ABHD3: variants seen among roughly 807,000 people sequenced by gnomAD.
ABHD3 encodes phospholipase ABHD3.
ABHD3 carries 46 observed loss-of-function variants against 48.8 expected under a neutral mutation model. That is an observed-to-expected ratio of 0.94 (90% CI 0.74 to 1.20). ABHD3 has a LOEUF of 1.20. ABHD3 is among the 50% of genes most tolerant of loss of function. The pLI is 0.00. For missense variants in ABHD3, 490 were observed against 497.8 expected (o/e 0.98, Z 0.15); for synonymous variants, 192 against 183.7 (o/e 1.04, Z -0.36).
chr18:21,658,153 C>T (rs565765849), intron 6 of ABHD3, among the ~76,000 whole-genome samples: 2 of 151,666 alleles, frequency 1.3e-5, no homozygotes, highest in East Asian at 1.9e-4. Flanking sequence ...GCCATGATCA[C>T]ACCACTGCAC....
rs1398701194 is a variant in ABHD3 at position 21,664,017 on chromosome 18, AT to A, written c.668+100del. Reference sequence around the variant, plus strand: ...ATATGATAAACATAATCAGACATTTATTTAAAAAGTGTCCATACAGCTAGCT... The same window carrying A: ...ATATGATAAACATAATCAGACATTTATTAAAAAGTGTCCATACAGCTAGCT... On this transcript the variant is annotated intron_variant, in intron 5 of 8. Coordinates refer to ENST00000289119, the MANE Select transcript of ABHD3 (RefSeq NM_138340.5). The A allele has an allele frequency of 1.4e-5, 21 of 1,449,498 alleles. No homozygotes were observed. The East Asian group carries it at 5.3e-4, about 36-fold the overall frequency. The allele number at this position is 1,449,498 out of a possible 1,614,324, so 89.8% of individuals were successfully genotyped here. A position where few individuals can be genotyped will look rare whatever the true frequency, so the allele number is the denominator to read the frequency against.
chr18:21,700,100 A>AT (rs1352101536), intron 3 of ABHD3, among the ~76,000 whole-genome samples: 4 of 150,250 alleles, frequency 2.7e-5, no homozygotes, highest in East Asian at 2.0e-4. Flanking sequence ...TTATTTATTT[A>AT]TTTTTTTGAG....
At chr18:21,673,741 G>C (rs987346678) in intron 4 of ABHD3, 1 of 152,334 alleles carries the variant, frequency 6.6e-6, no homozygotes, top group Admixed American at 6.6e-5. Context: ...GAGTAGCTGG[G>C]ATTAGAGGCA....
chr18:21,660,726 T>C (rs1001965179), intron 5 of ABHD3, among the ~76,000 whole-genome samples: 1 of 152,174 alleles, frequency 6.6e-6, no homozygotes, highest in African/African-American at 2.4e-5. Flanking sequence ...AGATGGAAAG[T>C]GGACATTTAG....
At chr18:21,660,459 C>T (rs1447958288) in intron 5 of ABHD3, among the ~76,000 whole-genome samples, 1 of 152,080 alleles carries the variant, frequency 6.6e-6, no homozygotes, top group South Asian at 2.1e-4. Context: ...TTTTGTTCTA[C>T]TAATTTTCTT....
At chr18:21,673,511 C>T (rs548751452) in intron 4 of ABHD3, 1 of 152,438 alleles carries the variant, frequency 6.6e-6, no homozygotes, top group East Asian at 1.9e-4. Context: ...TCAGGCTGGT[C>T]TGGAACTTCC....
chr18:21,685,272 A>G (rs1363565419), intron 3 of ABHD3, among the ~76,000 whole-genome samples: 1 of 152,200 alleles, frequency 6.6e-6, no homozygotes, highest in Non-Finnish European at 1.5e-5. Flanking sequence ...TACAGGTTCT[A>G]AGCAACAAAG....
chr18:21,675,224 A>T (rs1199671922), intron 4 of ABHD3, among the ~76,000 whole-genome samples: 2 of 125,682 alleles, frequency 1.6e-5, no homozygotes, highest in Non-Finnish European at 3.3e-5. Flanking sequence ...TTGTCACCCC[A>T]CTTCTCCAGA....
intron 4 of ABHD3, among the ~76,000 whole-genome samples, chr18:21,677,252 T>C (rs1809049602): frequency 6.6e-6 from 1 of 152,170 alleles, no homozygotes; most frequent in Admixed American, 6.5e-5. Context: ...TGGCGTGCAG[T>C]GGCACAATCT....
chr18:21,660,775 T>TATACAGTA, intron 5 of ABHD3, among the ~76,000 whole-genome samples: 1 of 152,174 alleles, frequency 6.6e-6, no homozygotes, highest in African/African-American at 2.4e-5. Context: ...GAACTATCTG[T>TATACAGTA]ATACAGTATT....
In ABHD3 at chr18:21,658,065, T is replaced by TA. The variant is rs1331695798; in HGVS notation, c.843-914dup. Among the ~76,000 whole-genome samples, 3 of 151,636 alleles carry TA rather than the reference T, an allele frequency of 2.0e-5. No homozygotes were observed. The East Asian group carries it at 5.8e-4, about 29-fold the overall frequency. ...ATAAAATATTAGCCAGGTGTGGTGGTATGTGCCTGTAGTCCCAGCTACTTG... is the reference window on the plus strand; with the variant it reads ...ATAAAATATTAGCCAGGTGTGGTGGTAATGTGCCTGTAGTCCCAGCTACTTG... On this transcript the variant is annotated intron_variant, in intron 6 of 8. Coordinates refer to ENST00000289119, the MANE Select transcript of ABHD3 (RefSeq NM_138340.5).
intron 8 of ABHD3, among the ~76,000 whole-genome samples, chr18:21,653,774 CA>C (rs1202686697): frequency 6.8e-6 from 1 of 147,386 alleles, no homozygotes; most frequent in Non-Finnish European, 1.5e-5. Flanking sequence ...TGGTGGCATG[CA>C]CTTGTAGTCC....
chr18:21,702,614 C>CACGAACACACACCCATATCTCGATCT (rs1456703615), intron 2 of ABHD3, 116 bp from the exon 3 acceptor site: 1 of 826,456 alleles, frequency 1.2e-6, no homozygotes, highest in African/African-American at 1.8e-5. Context: ...TTCCAGCATT[C>CACGAACACACACCCATATCTCGATCT]ACGAACACAC....
intron 3 of ABHD3, among the ~76,000 whole-genome samples, chr18:21,688,321 A>G (rs1180587154): frequency 6.6e-6 from 1 of 151,826 alleles, no homozygotes; most frequent in Non-Finnish European, 1.5e-5. Context: ...AGAAATGATA[A>G]TCAGCAAAGG....
intron 4 of ABHD3, among the ~76,000 whole-genome samples, chr18:21,668,440 T>G (rs1304161913): frequency 2.0e-5 from 3 of 152,058 alleles, no homozygotes; most frequent in African/African-American, 7.2e-5. Context: ...TATGTAAGAA[T>G]GCATACATAT....
At chr18:21,703,779 C>T in intron 1 of ABHD3, 32 bp from the exon 2 acceptor site, 1 of 1,596,650 alleles carries the variant, frequency 6.3e-7, no homozygotes, top group Non-Finnish European at 8.6e-7. Context: ...GAGAAGGGCC[C>T]AGAGCAAAGT....
chr18:21,657,191 T>A, intron 6 of ABHD3, 39 bp from the exon 7 acceptor site: 1 of 1,562,742 alleles, frequency 6.4e-7, no homozygotes, highest in Non-Finnish European at 8.7e-7. Flanking sequence ...ATCAAGATCA[T>A]TCCTACTCCA....
rs376883720 is a variant in ABHD3 at position 21,664,165 on chromosome 18, G to T, written c.621C>A (p.Ser207Arg). 17 of 1,614,098 alleles carry T rather than the reference G, an allele frequency of 1.1e-5. No individual in the cohort carries two copies. The East Asian group carries it at 1.1e-4, about 11-fold the overall frequency. The change falls in exon 5 of 9, where the codon AGC (serine) becomes AGA (arginine). Residue 207 changes from serine to arginine, a missense_variant. By Grantham distance (110) the Ser-to-Arg change is moderately radical (BLOSUM62 -1). Transcript: ENST00000289119. ...DLETVIHHVHSLYPSAPFLAA... is the reference protein window; with the variant it reads ...DLETVIHHVHRLYPSAPFLAA... The stretch of plus-strand genomic sequence containing the variant: ...CCAGGAAAGGAGCAGAAGGGTACAG[G>T]CTGTGTACATGGTGAATAACTGTCT...
chr18:21,668,200 C>CAA (rs747590942), intron 4 of ABHD3, among the ~76,000 whole-genome samples: 21 of 61,324 alleles, frequency 3.4e-4, no homozygotes, highest in Admixed American at 1.0e-3. Context: ...GAATCTATCT[C>CAA]AAAAAAAAAA....
Sources: gnomAD v4.1 joint callset for allele counts (sites outside exome capture counted in the v4.1 genomes callset) on GRCh38, gnomAD v4.1.1 for gene constraint, MANE v1.5 for transcripts, NCBI Gene and HGNC (gene_info 2026-07-23, HGNC 2026-07-21) for gene names.